ZFYVE28: variants seen among roughly 807,000 people sequenced by gnomAD.
ZFYVE28 encodes the protein lateral signaling target protein 2 homolog.
Under a neutral mutation model 82.1 loss-of-function variants are expected in ZFYVE28, and 40 were observed. That is an observed-to-expected ratio of 0.49 (90% CI 0.38 to 0.63). ZFYVE28 has a LOEUF of 0.63. ZFYVE28 is among the 30% of genes least tolerant of loss of function. The pLI is 0.00. For synonymous variants in ZFYVE28, 612 were observed against 546.1 expected (o/e 1.12, Z -1.68); for missense variants, 1,321 against 1,242.1 (o/e 1.06, Z -0.96).
intron 8 of ZFYVE28, among the ~76,000 whole-genome samples, chr4:2,278,760 A>G (rs1398594991): frequency 6.6e-6 from 1 of 152,202 alleles, no homozygotes; most frequent in African/African-American, 2.4e-5. Context: ...GACCAAAAAA[A>G]AAAACACTAC....
chr4:2,398,101 G>A (rs4029418), intron 1 of ZFYVE28, among the ~76,000 whole-genome samples: 45,490 of 151,196 alleles, frequency 0.3, 7,534 homozygotes, highest in East Asian at 0.45. Flanking sequence ...CAAGTGCAGC[G>A]TCAGGGCAGA....
chr4:2,355,423 A>G, intron 1 of ZFYVE28, among the ~76,000 whole-genome samples: 1 of 145,698 alleles, frequency 6.9e-6, no homozygotes. Flanking sequence ...CTGGGATTAT[A>G]GGCATCCATC....
At chr4:2,338,679 A>G (rs1722246015) in intron 4 of ZFYVE28, among the ~76,000 whole-genome samples, 1 of 152,258 alleles carries the variant, frequency 6.6e-6, no homozygotes, top group African/African-American at 2.4e-5. Context: ...AGACAAGAAA[A>G]TAAAACTCGA....
At chr4:2,378,323 G>A (rs1054212033) in intron 1 of ZFYVE28, among the ~76,000 whole-genome samples, 12 of 152,134 alleles carry the variant, frequency 7.9e-5, no homozygotes, top group Non-Finnish European at 2.9e-5. Flanking sequence ...CCTGGGTGAC[G>A]GAGCAAGACC....
intron 8 of ZFYVE28, among the ~76,000 whole-genome samples, chr4:2,275,952 G>A (rs1324269759): frequency 6.6e-6 from 1 of 152,250 alleles, no homozygotes; most frequent in Non-Finnish European, 1.5e-5. Flanking sequence ...CAGAGGCCAC[G>A]GAGGCGGAGG....
Position 2,332,580 on chromosome 4 carries a change from G to T in ZFYVE28, c.701+3125C>A, listed in dbSNP as rs1176356108. 6.6e-6 allele frequency among the ~76,000 whole-genome samples: 1 copy of T among 152,182 alleles called. No homozygotes were observed. The highest frequency in any genetic ancestry group is 1.5e-5 in the Non-Finnish European group (1 of 68,022). On this transcript the variant is annotated intron_variant, in intron 6 of 12. Transcript: ENST00000290974. The surrounding 1 kb of genome is among the most constrained non-coding windows in gnomAD (Gnocchi z 4.7). ...CTCCCTGGTACAAGCACAGGGCGAG[G>T]TATGCAGTAGGCACTCAATACTTGC... is the stretch of plus-strand genomic sequence containing the variant.
At chr4:2,366,332 G>A (rs937961968) in intron 1 of ZFYVE28, among the ~76,000 whole-genome samples, 1 of 152,178 alleles carries the variant, frequency 6.6e-6, no homozygotes, top group Non-Finnish European at 1.5e-5. Context: ...GCTGCACGTG[G>A]GCCTCCCTCA....
Position 2,332,720 on chromosome 4 carries a change from G to A in ZFYVE28, c.701+2985C>T, listed in dbSNP as rs777798345. ...GATGACGAGGAACAAGACGGGATCC[G>A]CTGGTGGTGCAGGGCTGCAGGGCCC... On this transcript the variant is annotated intron_variant, in intron 6 of 12. Coordinates refer to ENST00000290974, the MANE Select transcript of ZFYVE28 (RefSeq NM_020972.3). The surrounding 1 kb of genome is among the most constrained non-coding windows in gnomAD (Gnocchi z 4.7). 9.9e-5 allele frequency among the ~76,000 whole-genome samples: 15 copies of A among 152,150 alleles called. No individual in the cohort carries two copies. Among genetic ancestry groups the A allele is most frequent in the Admixed American group, 4.6e-4 (7 of 15,282 alleles).
intron 8 of ZFYVE28, among the ~76,000 whole-genome samples, chr4:2,302,149 G>A (rs1285195547): frequency 6.6e-6 from 1 of 152,236 alleles, no homozygotes; most frequent in Non-Finnish European, 1.5e-5. Flanking sequence ...TGGGGGATAC[G>A]CGGGTGTGTA....
chr4:2,305,724 G>A (rs1269990390), intron 7 of ZFYVE28, among the ~76,000 whole-genome samples, 188 bp from the exon 8 acceptor site: 1 of 152,242 alleles, frequency 6.6e-6, no homozygotes, highest in Admixed American at 6.5e-5. Flanking sequence ...GGTCTCGCCG[G>A]CCAGGACAAC....
intron 8 of ZFYVE28, among the ~76,000 whole-genome samples, chr4:2,277,297 C>T (rs1017438256): frequency 3.5e-4 from 54 of 152,114 alleles, no homozygotes; most frequent in African/African-American, 1.0e-3. Context: ...CTGGGCAACA[C>T]GGTGAAACCC....
chr4:2,363,101 G>A (rs1200975888), intron 1 of ZFYVE28, among the ~76,000 whole-genome samples: 1 of 152,128 alleles, frequency 6.6e-6, no homozygotes, highest in Non-Finnish European at 1.5e-5. Context: ...AGAAGACCCT[G>A]GCAGTTCTAG....
At chr4:2,357,048 C>T (rs1036218761) in intron 1 of ZFYVE28, among the ~76,000 whole-genome samples, 3 of 152,126 alleles carry the variant, frequency 2.0e-5, no homozygotes, top group Admixed American at 2.0e-4. Context: ...GTAATCCCAC[C>T]ACCACATCCA....
At chr4:2,282,361 G>T (rs1004402770) in intron 8 of ZFYVE28, among the ~76,000 whole-genome samples, 5 of 152,242 alleles carry the variant, frequency 3.3e-5, no homozygotes, top group Non-Finnish European at 7.3e-5. Context: ...TGTGTCTTCA[G>T]CTGTGTCACA....
At chr4:2,399,929 T>C (rs1360300136) in intron 1 of ZFYVE28, among the ~76,000 whole-genome samples, 1 of 152,172 alleles carries the variant, frequency 6.6e-6, no homozygotes, top group Non-Finnish European at 1.5e-5. Context: ...GCGCCCACCG[T>C]GGCCACTAAG....
Position 2,320,173 on chromosome 4 carries a change from A to G in ZFYVE28, c.800T>C (p.Ile267Thr). 1 of 1,600,088 alleles carries G rather than the reference A, an allele frequency of 6.2e-7. No homozygotes were observed. The highest frequency in any genetic ancestry group is 1.1e-5 in the South Asian group (1 of 90,306). The change falls in exon 7 of 13, where the codon ATA becomes ACA. Residue 267 changes from isoleucine (I) to threonine (T), a missense_variant. By Grantham distance (89) the Ile-to-Thr change is moderately conservative (BLOSUM62 -1). Transcript: ENST00000290974. This position sits in a 1 kb window ranked among gnomAD's most constrained non-coding sequence, Gnocchi z 5.1. ...FRPFHTLLRKIRDLLQTLTEE... is the reference protein window; with the variant it reads ...FRPFHTLLRKTRDLLQTLTEE... ...CCTCCTCTAGCTCCATCCCCACCTT[A>G]TTTTCCGCAGCAACGTGTGGAAGGG...
chr4:2,271,230 G>T, intron 12 of ZFYVE28, 81 bp downstream of exon 12: 1 of 1,436,254 alleles, frequency 7.0e-7, no homozygotes, highest in Non-Finnish European at 9.6e-7. Flanking sequence ...CTGGGCATCG[G>T]TTCTGACTTC....
intron 1 of ZFYVE28, among the ~76,000 whole-genome samples, chr4:2,370,713 C>T (rs975493247): frequency 3.3e-5 from 5 of 152,320 alleles, no homozygotes; most frequent in East Asian, 1.9e-4. Context: ...CCCCACCTCT[C>T]GGCTCCCCGG....
chr4:2,305,390 T>G lies in ZFYVE28; in HGVS notation c.950A>C (p.Glu317Ala). 2 of 1,612,698 alleles carry G rather than the reference T, an allele frequency of 1.2e-6. No individual in the cohort carries two copies. Among genetic ancestry groups the G allele is most frequent in the Non-Finnish European group, 1.7e-6 (2 of 1,179,816 alleles). Residue 317 changes from glutamate to alanine, a missense_variant, in exon 8 of 13, where the codon GAG becomes GCG. Physicochemically the swap from Glu to Ala is moderately radical, Grantham distance 107. This residue lies in a region of ZFYVE28 where 978 missense variants were observed against 833.7 expected (regional missense o/e 1.17). Coordinates refer to ENST00000290974, the MANE Select transcript of ZFYVE28 (RefSeq NM_020972.3). ...APALSAPLPP[E>A]GPLSAKAKDP... ...TTTGGCCTTAGCTGAGAGTGGCCCC[T>G]CAGGGGGGAGAGGGGCAGAGAGGGC...
Sources: allele counts gnomAD v4.1 joint callset (sites outside exome capture counted in the v4.1 genomes callset), GRCh38; gene constraint gnomAD v4.1.1; regional missense constraint gnomAD v4.1.1; non-coding constraint Gnocchi (gnomAD v3.1); transcripts MANE v1.5; gene names NCBI Gene and HGNC (gene_info 2026-07-23, HGNC 2026-07-21).